The following TMSB15B variants were observed in gnomAD, a reference collection of about 807,000 sequenced individuals.
TMSB15B encodes thymosin beta 15B.
chrX:103,936,813 T>G (rs1218296086), intron 1 of TMSB15B, among the ~76,000 whole-genome samples: 3 of 112,402 alleles, frequency 2.7e-5, no homozygotes, highest in Admixed American at 1.9e-4. Context: ...TATCTTGAGA[T>G]ATGTTCCATC....
chrX:103,942,728 A>G (rs202228725), intron 1 of TMSB15B, among the ~76,000 whole-genome samples: 10 of 112,071 alleles, frequency 8.9e-5, no homozygotes, highest in East Asian at 8.3e-4. Context: ...TCTAATTTTA[A>G]CATTTCTCCA....
chrX:103,923,080 T>C (rs1293537086), intron 1 of TMSB15B, among the ~76,000 whole-genome samples: 1 of 112,340 alleles, frequency 8.9e-6, no homozygotes, highest in African/African-American at 3.2e-5. Flanking sequence ...TTTGTTTAGG[T>C]TCTTTGTAGA....
intron 1 of TMSB15B, among the ~76,000 whole-genome samples, chrX:103,943,138 C>T (rs2147823137): frequency 8.9e-6 from 1 of 111,773 alleles, no homozygotes; most frequent in East Asian, 2.8e-4. Context: ...CAACTGCCTA[C>T]TTGATGTTTT....
chrX:103,947,685 T>C (rs1318582079), intron 1 of TMSB15B, among the ~76,000 whole-genome samples: 1 of 111,780 alleles, frequency 8.9e-6, no homozygotes, highest in East Asian at 2.8e-4. Context: ...CAGCAACAGA[T>C]TTAGAGAAAC....
At chrX:103,946,619 A>G (rs368365972) in intron 1 of TMSB15B, among the ~76,000 whole-genome samples, 2 of 112,246 alleles carry the variant, frequency 1.8e-5, no homozygotes, top group African/African-American at 6.5e-5. Context: ...TAGTACATAC[A>G]GTAAATTGTT....
chrX:103,931,983 T>C (rs1556320019), intron 1 of TMSB15B: 2 of 112,077 alleles, frequency 1.8e-5, no homozygotes, highest in African/African-American at 6.5e-5. Context: ...GATAGCTGAA[T>C]ATATGGAGGT....
At chrX:103,938,291 G>GGAGTCTAAGTGT (rs1556322641) in intron 1 of TMSB15B, among the ~76,000 whole-genome samples, 1 of 111,483 alleles carries the variant, frequency 9.0e-6, no homozygotes, top group Non-Finnish European at 1.9e-5. Flanking sequence ...TTATTGTGTG[G>GGAGTCTAAGTGT]GAGTCTAAGT....
At chrX:103,935,172 C>A (rs1408519556) in intron 1 of TMSB15B, among the ~76,000 whole-genome samples, 19 of 111,899 alleles carry the variant, frequency 1.7e-4, no homozygotes, top group African/African-American at 5.5e-4. Flanking sequence ...TATCCTGTGC[C>A]CACTTTTTGA....
chrX:103,939,784 C>T (rs2075007837), intron 1 of TMSB15B, among the ~76,000 whole-genome samples: 1 of 112,026 alleles, frequency 8.9e-6, no homozygotes, highest in African/African-American at 3.2e-5. Context: ...TTTTCCTCAT[C>T]TTCGTGGGTT....
chrX:103,941,495 C>CTCCA (rs1363703719), intron 1 of TMSB15B, among the ~76,000 whole-genome samples: 5 of 111,991 alleles, frequency 4.5e-5, no homozygotes, highest in Admixed American at 9.4e-5. Flanking sequence ...GTTCCCCTTT[C>CTCCA]TCCACATCCT....
intron 1 of TMSB15B, among the ~76,000 whole-genome samples, chrX:103,933,152 T>C (rs1364822876): frequency 1.8e-5 from 2 of 111,725 alleles, no homozygotes; most frequent in African/African-American, 6.5e-5. Context: ...GTGTAGTACA[T>C]TAAAGTTATA....
chrX:103,923,417 A>G (rs1556318208), intron 1 of TMSB15B, among the ~76,000 whole-genome samples: 1 of 112,181 alleles, frequency 8.9e-6, no homozygotes, highest in Non-Finnish European at 1.9e-5. Context: ...AGCTTTCCTC[A>G]TATGGCTAGC....
intron 1 of TMSB15B, among the ~76,000 whole-genome samples, chrX:103,943,699 T>C (rs1161882545): frequency 8.9e-6 from 1 of 112,071 alleles, no homozygotes; most frequent in Non-Finnish European, 1.9e-5. Flanking sequence ...TGAATCTCGA[T>C]GTCCCAACTA....
intron 1 of TMSB15B, among the ~76,000 whole-genome samples, chrX:103,951,201 G>A (rs2075038348): frequency 8.9e-6 from 1 of 111,751 alleles, no homozygotes; most frequent in Non-Finnish European, 1.9e-5. Flanking sequence ...AGGTAATTAT[G>A]TCACATTATG....
chrX:103,920,835 C>T (rs1328283115), intron 1 of TMSB15B, among the ~76,000 whole-genome samples: 1 of 112,426 alleles, frequency 8.9e-6, no homozygotes, highest in Non-Finnish European at 1.9e-5. Context: ...CATCACTGGC[C>T]CCAGAGAAGG....
chrX:103,928,323 C>T, intron 1 of TMSB15B: 1 of 1,207,420 alleles, frequency 8.3e-7, no homozygotes, highest in Non-Finnish European at 1.1e-6. Flanking sequence ...GTCCTCAATA[C>T]TTCTACCGGG....
intron 1 of TMSB15B, among the ~76,000 whole-genome samples, chrX:103,940,038 A>G (rs2075008550): frequency 8.9e-6 from 1 of 111,796 alleles, no homozygotes; most frequent in Non-Finnish European, 1.9e-5. Flanking sequence ...GCTTTGTCCC[A>G]GAGGGGCACC....
intron 1 of TMSB15B, among the ~76,000 whole-genome samples, chrX:103,922,071 C>A (rs1395437808): frequency 1.8e-5 from 2 of 108,624 alleles, no homozygotes; most frequent in East Asian, 5.8e-4. Flanking sequence ...TTCCTATTAT[C>A]TCTCTCTCTC....
At chrX:103,946,455 A>G (rs2075025901) in intron 1 of TMSB15B, among the ~76,000 whole-genome samples, 1 of 112,301 alleles carries the variant, frequency 8.9e-6, no homozygotes, top group African/African-American at 3.2e-5. Flanking sequence ...TTTCCCAACA[A>G]TATTCCATTT....
Sources: allele counts gnomAD v4.1 joint callset (sites outside exome capture counted in the v4.1 genomes callset), GRCh38; gene constraint gnomAD v4.1.1; transcripts MANE v1.5; gene names NCBI Gene and HGNC (gene_info 2026-07-23, HGNC 2026-07-21).